The following ZFX variants were observed in gnomAD, a reference collection of about 807,000 sequenced individuals.
ZFX encodes the protein zinc finger protein X-linked.
For synonymous variants in ZFX, 196 were observed against 226.8 expected, an observed-to-expected ratio of 0.86 and a Z score of 1.22; for missense variants, 362 against 628.3, an observed-to-expected ratio of 0.58 and a Z score of 4.53.
rs1233774617 is a variant in ZFX, at chrX:24,214,141, C to T, written c.*2765C>T. 9.0e-6 allele frequency: 1 copy of T among 111,199 alleles called. No individual in the cohort carries two copies. The highest frequency in any genetic ancestry group is 3.3e-5 in the African/African-American group (1 of 30,530). The allele number at this position is 111,199 out of a possible 1,213,427, so 9.2% of individuals were successfully genotyped here. A position where few individuals can be genotyped will look rare whatever the true frequency, so the allele number is the denominator to read the frequency against. On this transcript the variant is annotated 3_prime_UTR_variant, in exon 10 of 10. Transcript: ENST00000304543. ...CATTAGTTACAACCTAGTTTTAATT[C>T]TTAAAACAATTTTGATTAGCAAAGC...
intron 5 of ZFX, among the ~76,000 whole-genome samples, chrX:24,206,508 T>C (rs1400327242): frequency 3.4e-4 from 24 of 70,114 alleles, no homozygotes; most frequent in African/African-American, 1.5e-3. Context: ...GGCGTGTGTG[T>C]GTGTGTGTGT....
At chrX:24,164,724 G>A (rs1285524909) in intron 3 of ZFX, among the ~76,000 whole-genome samples, 1 of 110,690 alleles carries the variant, frequency 9.0e-6, no homozygotes, top group African/African-American at 3.3e-5. Flanking sequence ...CTGAGGTCAG[G>A]AGTTCGAAAC....
At chrX:24,160,174 C>T (rs1933120774) in intron 3 of ZFX, among the ~76,000 whole-genome samples, 1 of 109,427 alleles carries the variant, frequency 9.1e-6, no homozygotes, top group Admixed American at 9.8e-5. Flanking sequence ...TTCATTCTGA[C>T]ATTTAAAAAT....
intron 3 of ZFX, among the ~76,000 whole-genome samples, chrX:24,153,463 GAT>G (rs1932447327): frequency 9.0e-6 from 1 of 111,625 alleles, no homozygotes; most frequent in African/African-American, 3.3e-5. Flanking sequence ...CTCTGTGCGT[GAT>G]GCCGTCTCTT....
chrX:24,172,717 G>T lies in ZFX; in HGVS notation c.-26G>T. 8.6e-7 allele frequency: 1 copy of T among 1,167,378 alleles called. No individual in the cohort carries two copies. Among genetic ancestry groups the T allele is most frequent in the Non-Finnish European group, 1.1e-6 (1 of 876,556 alleles). Reference sequence around the variant, plus strand: ...GTTTACTTTTTTCCCTGATTTAGGAGCTGTGACTGATGAGAATTAAAGGCC... The same window carrying T: ...GTTTACTTTTTTCCCTGATTTAGGATCTGTGACTGATGAGAATTAAAGGCC... On this transcript the variant is annotated splice_region_variant and 5_prime_UTR_variant, in exon 4 of 10. Coordinates refer to ENST00000304543, the MANE Select transcript of ZFX (RefSeq NM_003410.4).
intron 5 of ZFX, among the ~76,000 whole-genome samples, chrX:24,187,587 T>A (rs761016697): frequency 4.9e-4 from 55 of 112,280 alleles, no homozygotes; most frequent in South Asian, 1.5e-3. Flanking sequence ...GTTGTTTTTC[T>A]AACTGAAAAG....
rs764792436 is a variant in ZFX, at chrX:24,207,702, T to C, written c.797-10T>C. The C allele has an allele frequency of 5.9e-6, 7 of 1,185,759 alleles. No individual in the cohort carries two copies. The highest frequency in any genetic ancestry group is 8.0e-6 in the Non-Finnish European group (7 of 875,376). On this transcript the variant is annotated splice_polypyrimidine_tract_variant and intron_variant, in intron 6 of 9. Transcript: ENST00000304543. ...AAATTATTGAAGCTGTCTTCTTCCC[T>C]GATTGATAGGTGGAACTGTAGACAT...
At chrX:24,184,733 A>G (rs1935962261) in intron 5 of ZFX, among the ~76,000 whole-genome samples, 1 of 111,325 alleles carries the variant, frequency 9.0e-6, no homozygotes, top group South Asian at 3.7e-4. Context: ...ATATTTTAAT[A>G]TATGTTTTAT....
chrX:24,156,029 T>C (rs745975530), intron 3 of ZFX, among the ~76,000 whole-genome samples: 1 of 111,867 alleles, frequency 8.9e-6, no homozygotes, highest in South Asian at 3.7e-4. Context: ...CCTGAGTAGC[T>C]GGGATAACAG....
intron 3 of ZFX, among the ~76,000 whole-genome samples, chrX:24,169,401 G>C (rs1387072096): frequency 9.0e-6 from 1 of 110,563 alleles, no homozygotes; most frequent in Non-Finnish European, 1.9e-5. Context: ...TCAAAGCAGT[G>C]CTTCAGGAGG....
rs1938373618 is a variant in ZFX at position 24,215,089 on chromosome X, G to A, written c.*3713G>A. 9.0e-6 allele frequency: 1 copy of A among 111,633 alleles called. No individual in the cohort carries two copies. The highest frequency in any genetic ancestry group is 1.9e-5 in the Non-Finnish European group (1 of 53,187). The allele number at this position is 111,633 out of a possible 1,213,427, so 9.2% of individuals were successfully genotyped here. ...GTTGAAACAATAAATTAAAATTTTAGGTAAATGACGAAGGGAATGTGGTGA... is the reference window on the plus strand; with the variant it reads ...GTTGAAACAATAAATTAAAATTTTAAGTAAATGACGAAGGGAATGTGGTGA... On this transcript the variant is annotated 3_prime_UTR_variant, in exon 10 of 10. Coordinates refer to ENST00000304543, the MANE Select transcript of ZFX (RefSeq NM_003410.4).
At position 24,216,032 on chromosome X, in the gene ZFX, TC is replaced by T. The variant is rs919393745; in HGVS notation, c.*4658del. On this transcript the variant is annotated 3_prime_UTR_variant, in exon 10 of 10. Transcript: ENST00000304543. ...AAATCTTGGATTTGTTATATATTGT[TC>T]CTGTTATTTTTGACATCTTTGCTAT... The T allele has an allele frequency of 8.9e-6, 1 of 111,966 alleles. No homozygotes were observed. The highest frequency in any genetic ancestry group is 3.2e-5 in the African/African-American group (1 of 30,779). The allele number at this position is 111,966 out of a possible 1,213,427, so 9.2% of individuals were successfully genotyped here.
At chrX:24,209,724 T>A (rs761005112) in intron 9 of ZFX, among the ~76,000 whole-genome samples, 23 of 110,709 alleles carry the variant, frequency 2.1e-4, no homozygotes, top group Non-Finnish European at 4.2e-4. Context: ...TACAGATGTG[T>A]GCCACTGTGC....
chrX:24,178,225 C>T (rs996152732), intron 4 of ZFX, among the ~76,000 whole-genome samples: 15 of 106,646 alleles, frequency 1.4e-4, no homozygotes, highest in South Asian at 4.0e-4. Flanking sequence ...CCACTGCGCC[C>T]GGCCTACTTA....
chrX:24,213,596 A>T lies in ZFX; in HGVS notation c.*2220A>T, dbSNP rs1486587433. 2 of 110,906 alleles carry T rather than the reference A, an allele frequency of 1.8e-5. No individual in the cohort carries two copies. Among genetic ancestry groups the T allele is most frequent in the Non-Finnish European group, 3.8e-5 (2 of 52,930 alleles). 9.1% of individuals were successfully genotyped at this position (110,906 alleles called of 1,213,427 possible). A position where few individuals can be genotyped will look rare whatever the true frequency, so the allele number is the denominator to read the frequency against. ...TTTAGGCAGGTGTGAACTCCAGCCCAAATGCCAGTCAAAGTCAAGGCATGG... is the reference window on the plus strand; with the variant it reads ...TTTAGGCAGGTGTGAACTCCAGCCCTAATGCCAGTCAAAGTCAAGGCATGG... On this transcript the variant is annotated 3_prime_UTR_variant, in exon 10 of 10. Transcript: ENST00000304543.
chrX:24,179,533 G>A lies in ZFX; in HGVS notation c.409G>A (p.Asp137Asn), dbSNP rs150375972. The A allele has an allele frequency of 2.0e-3, 2,462 of 1,210,974 alleles. 2 individuals carry two copies. The highest frequency in any genetic ancestry group is 2.5e-3 in the Non-Finnish European group (2,273 of 895,505). ...MSMPEHVLTG[D>N]SIHVSDVGHV... ...TATGCCAGAACACGTCTTGACGGGT[G>A]ATTCTATACATGTGTCTGACGTTGG... Residue 137 changes from aspartate (D) to asparagine (N), a missense_variant, in exon 5 of 10, where the codon GAT becomes AAT. By Grantham distance (23) the Asp-to-Asn change is conservative. Transcript: ENST00000304543.
chrX:24,208,572 A>G (rs1404837933), intron 8 of ZFX, among the ~76,000 whole-genome samples: 2 of 112,672 alleles, frequency 1.8e-5, no homozygotes, highest in East Asian at 5.5e-4. Flanking sequence ...TATATTATGT[A>G]GAAGGAAGTA....
At position 24,214,209 on chromosome X, in the gene ZFX, C is replaced by T. The variant is rs961742456; in HGVS notation, c.*2833C>T. The T allele has an allele frequency of 9.0e-6, 1 of 111,509 alleles. No individual in the cohort carries two copies. The highest frequency in any genetic ancestry group is 1.9e-5 in the Non-Finnish European group (1 of 52,947). 9.2% of individuals were successfully genotyped at this position (111,509 alleles called of 1,213,427 possible). A position where few individuals can be genotyped will look rare whatever the true frequency, so the allele number is the denominator to read the frequency against. On this transcript the variant is annotated 3_prime_UTR_variant, in exon 10 of 10. Transcript: ENST00000304543. ...TTCAGTTAAATGTTTTAAAGAGGTA[C>T]AGATTTTTACAAGGACATAATATAA...
At chrX:24,169,899 AAG>A (rs1367269471) in intron 3 of ZFX, among the ~76,000 whole-genome samples, 2 of 110,814 alleles carry the variant, frequency 1.8e-5, no homozygotes, top group East Asian at 5.7e-4. Flanking sequence ...AAGAAGAGGG[AAG>A]AGAACTAGAA....
Sources: gnomAD v4.1 joint callset for allele counts (sites outside exome capture counted in the v4.1 genomes callset) on GRCh38, gnomAD v4.1.1 for gene constraint, MANE v1.5 for transcripts, NCBI Gene and HGNC (gene_info 2026-07-23, HGNC 2026-07-21) for gene names.